MICU1: variants seen among roughly 807,000 people sequenced by gnomAD.
MICU1 encodes the protein calcium uptake protein 1, mitochondrial.
A neutral mutation model predicts 56.8 loss-of-function variants in MICU1; 45 were observed. The observed-to-expected ratio is 0.79, with a 90% CI of 0.62 to 1.02. The LOEUF (loss-of-function observed/expected upper bound fraction) is 1.02, where lower values mean the gene tolerates loss of function less well. Among genes scored for constraint, MICU1 ranks in the 50% least tolerant of loss-of-function variants. The pLI is 0.00. For missense variants in MICU1, 504 were observed against 587.1 expected, an observed-to-expected ratio of 0.86 and a Z score of 1.46; for synonymous variants, 186 against 195.1, an observed-to-expected ratio of 0.95 and a Z score of 0.39.
In MICU1 at chr10:72,621,590, A is replaced by G. The variant is rs529059306; in HGVS notation, c.-2+4420T>C. Reference sequence around the variant, plus strand: ...AAGAACCAAGTATTTAATCATATCCACAACATGTATTTAAATATTTAAAAC... The same window carrying G: ...AAGAACCAAGTATTTAATCATATCCGCAACATGTATTTAAATATTTAAAAC... On this transcript the variant is annotated intron_variant, in intron 1 of 11. Coordinates refer to ENST00000361114, the MANE Select transcript of MICU1 (RefSeq NM_001195518.2). Among the ~76,000 whole-genome samples the G allele has an allele frequency of 3.3e-5, 5 of 152,288 alleles. No individual in the cohort carries two copies. In the South Asian group the frequency reaches 1.0e-3, roughly 32 times the overall value.
intron 11 of MICU1, among the ~76,000 whole-genome samples, chr10:72,368,680 T>G (rs1210386221): frequency 1.3e-5 from 2 of 152,150 alleles, no homozygotes; most frequent in African/African-American, 4.8e-5. Context: ...AGACAAATTA[T>G]TATACCACAG....
In MICU1 at chr10:72,562,962, T is replaced by G; in HGVS notation, c.263A>C (p.Lys88Thr). Residue 88 changes from lysine (K) to threonine (T), a missense_variant, in exon 3 of 12, where the codon AAG becomes ACG. Coordinates refer to ENST00000361114, the MANE Select transcript of MICU1 (RefSeq NM_001195518.2). ...TGGGTGAGGGGCAAGATCTGCAGTC[T>G]TTTTCTCATGGTTACAAACATCCCC... ...DEGDVCNHEKKTADLAPHPEE... is the reference protein window; with the variant it reads ...DEGDVCNHEKTTADLAPHPEE... The G allele has an allele frequency of 6.2e-7, 1 of 1,609,294 alleles. No individual in the cohort carries two copies. The highest frequency in any genetic ancestry group is 8.5e-7 in the Non-Finnish European group (1 of 1,177,928).
At chr10:72,450,808 G>A (rs892163819) in intron 8 of MICU1, among the ~76,000 whole-genome samples, 7 of 141,234 alleles carry the variant, frequency 5.0e-5, no homozygotes, top group Non-Finnish European at 9.1e-5. Context: ...CACTGCAACC[G>A]CCACCACTCG....
At chr10:72,444,575 C>T (rs1865049660) in intron 8 of MICU1, among the ~76,000 whole-genome samples, 1 of 151,458 alleles carries the variant, frequency 6.6e-6, no homozygotes, top group African/African-American at 2.4e-5. Context: ...TCAGCCTCTC[C>T]AGTAGCTGGG....
intron 1 of MICU1, among the ~76,000 whole-genome samples, chr10:72,601,493 A>G (rs545723760): frequency 6.6e-6 from 1 of 151,674 alleles, no homozygotes; most frequent in African/African-American, 2.4e-5. Context: ...AAAAAAGTAA[A>G]AAGTGTATAT....
At chr10:72,437,504 C>T (rs902361339) in intron 8 of MICU1, among the ~76,000 whole-genome samples, 3 of 152,168 alleles carry the variant, frequency 2.0e-5, no homozygotes, top group Non-Finnish European at 2.9e-5. Flanking sequence ...GGCAAAATAA[C>T]CAGTGAACAT....
intron 10 of MICU1, among the ~76,000 whole-genome samples, chr10:72,402,906 G>A (rs1319517480): frequency 2.6e-5 from 4 of 152,094 alleles, no homozygotes; most frequent in Admixed American, 6.6e-5. Flanking sequence ...TTTGCCAGGC[G>A]TGGTGGCATG....
chr10:72,607,509 C>T (rs1841723852), intron 1 of MICU1, among the ~76,000 whole-genome samples: 1 of 150,154 alleles, frequency 6.7e-6, no homozygotes, highest in South Asian at 2.1e-4. Context: ...CATGGTGGTG[C>T]GCCTGTAGTC....
At chr10:72,605,360 T>C (rs1219751387) in intron 1 of MICU1, among the ~76,000 whole-genome samples, 2 of 152,108 alleles carry the variant, frequency 1.3e-5, no homozygotes, top group African/African-American at 4.8e-5. Flanking sequence ...TCATAAATAA[T>C]CCACTCCATA....
intron 5 of MICU1, among the ~76,000 whole-genome samples, chr10:72,515,714 A>C (rs1389697241): frequency 6.6e-6 from 1 of 152,226 alleles, no homozygotes; most frequent in African/African-American, 2.4e-5. Flanking sequence ...TATGTCATCT[A>C]GAGTCCAACA....
At chr10:72,602,439 A>G (rs1841565485) in intron 1 of MICU1, among the ~76,000 whole-genome samples, 1 of 151,888 alleles carries the variant, frequency 6.6e-6, no homozygotes, top group Non-Finnish European at 1.5e-5. Flanking sequence ...CAACAAAGCG[A>G]GATTCTGTCT....
chr10:72,465,622 T>G (rs548345927), intron 8 of MICU1, among the ~76,000 whole-genome samples: 8 of 148,982 alleles, frequency 5.4e-5, no homozygotes, highest in Middle Eastern at 3.5e-3. Flanking sequence ...CAAGTGATTC[T>G]CCTGTCTCAG....
chr10:72,432,219 G>C (rs1864559431), intron 8 of MICU1, among the ~76,000 whole-genome samples: 1 of 151,688 alleles, frequency 6.6e-6, no homozygotes, highest in Non-Finnish European at 1.5e-5. Context: ...TCAGCCCCCT[G>C]AGTAGCTAGG....
rs114520426 is a variant in MICU1 at position 72,475,028 on chromosome 10, T to C, written c.933+72A>G. On this transcript the variant is annotated intron_variant, in intron 8 of 11. Transcript: ENST00000361114. Reference sequence around the variant, plus strand: ...CACAGCTGGAGGTAAATGGAAAGAATGCCTATAGTACAGGCCCTCCTGCCC... The same window carrying C: ...CACAGCTGGAGGTAAATGGAAAGAACGCCTATAGTACAGGCCCTCCTGCCC... The C allele has an allele frequency of 1.5e-3, 1,914 of 1,289,198 alleles. 19 individuals carry two copies. The African/African-American group carries it at 0.023, about 16-fold the overall frequency. The allele number at this position is 1,289,198 out of a possible 1,614,324, so 79.9% of individuals were successfully genotyped here. A position where few individuals can be genotyped will look rare whatever the true frequency, so the allele number is the denominator to read the frequency against.
intron 10 of MICU1, among the ~76,000 whole-genome samples, chr10:72,394,662 A>T (rs2132074050): frequency 6.6e-6 from 1 of 151,992 alleles, no homozygotes; most frequent in Non-Finnish European, 1.5e-5. Context: ...TAGTCTACAA[A>T]AACAAAAGCA....
chr10:72,424,630 A>AT (rs1187973820), intron 8 of MICU1, among the ~76,000 whole-genome samples: 1 of 152,082 alleles, frequency 6.6e-6, no homozygotes, highest in Non-Finnish European at 1.5e-5. Flanking sequence ...TATAGTCACT[A>AT]TAACAGCCTA....
chr10:72,463,593 A>G (rs1865702399), intron 8 of MICU1, among the ~76,000 whole-genome samples: 1 of 152,206 alleles, frequency 6.6e-6, no homozygotes, highest in African/African-American at 2.4e-5. Flanking sequence ...TGGAGATTCT[A>G]CCATATACAG....
At chr10:72,448,113 TTA>T (rs201797680) in intron 8 of MICU1, among the ~76,000 whole-genome samples, 5,559 of 76,194 alleles carry the variant, frequency 0.073, 394 homozygotes, top group African/African-American at 0.24. Flanking sequence ...TGGAAAAAGT[TTA>T]TATATATGTG....
intron 8 of MICU1, among the ~76,000 whole-genome samples, chr10:72,455,108 G>A (rs1219408304): frequency 6.6e-6 from 1 of 152,050 alleles, no homozygotes; most frequent in Non-Finnish European, 1.5e-5. Flanking sequence ...CCAGCAGTTT[G>A]GGAGGCCGAG....
Sources: allele counts gnomAD v4.1 joint callset (sites outside exome capture counted in the v4.1 genomes callset), GRCh38; gene constraint gnomAD v4.1.1; transcripts MANE v1.5; gene names NCBI Gene and HGNC (gene_info 2026-07-23, HGNC 2026-07-21).